The following NXNL2 variants were observed in gnomAD, a reference collection of about 807,000 sequenced individuals.
The protein encoded by NXNL2 is nucleoredoxin like 2, also known as nucleoredoxin-like protein 2.
NXNL2 carries 7 observed loss-of-function variants against 11.1 expected under a neutral mutation model. The observed-to-expected ratio is 0.63, with a 90% CI of 0.36 to 1.18. The LOEUF is 1.18. Ranked by LOEUF, NXNL2 falls within the 50% of genes most tolerant of loss-of-function variation. NXNL2 has a pLI of 0.02. For missense variants in NXNL2, 233 were observed against 217.7 expected (o/e 1.07, Z -0.44); for synonymous variants, 109 against 101.8 (o/e 1.07, Z -0.42).
At chr9:88,548,045 T>C (rs1829868622), downstream of NXNL2, among the ~76,000 whole-genome samples, 1 of 136,114 alleles carries the variant, frequency 7.3e-6, no homozygotes, top group Admixed American at 7.8e-5. Flanking sequence ...AAAAGAATGA[T>C]CTTATCTGAT....
Position 88,544,416 on chromosome 9 carries a change from A to G in NXNL2, c.340A>G (p.Lys114Glu), listed in dbSNP as rs1227787239. ...RKRYNVTAIP[K>E]LVIVKQNGEV... ...GAGGTACAACGTCACAGCCATCCCCAAGCTTGTGATTGTGAAACAAAATGG... is the reference window on the plus strand; with the variant it reads ...GAGGTACAACGTCACAGCCATCCCCGAGCTTGTGATTGTGAAACAAAATGG... The change falls in exon 2 of 2, where the codon AAG becomes GAG. Residue 114 changes from lysine (K) to glutamate (E), a missense_variant. By Grantham distance (56) the Lys-to-Glu change is moderately conservative. Coordinates refer to ENST00000375854, the MANE Select transcript of NXNL2 (RefSeq NM_001161625.2). 1 of 1,551,760 alleles carries G rather than the reference A, an allele frequency of 6.4e-7. No homozygotes were observed. Among genetic ancestry groups the G allele is most frequent in the African/African-American group, 1.4e-5 (1 of 73,042 alleles).
At chr9:88,574,921 C>T (rs999047156) in intron 2 of NXNL2, among the ~76,000 whole-genome samples, 10 of 152,214 alleles carry the variant, frequency 6.6e-5, no homozygotes, top group Admixed American at 5.9e-4. Flanking sequence ...GGGGGCATAA[C>T]TCTAAGGACA....
intron 1 of NXNL2, among the ~76,000 whole-genome samples, chr9:88,555,337 C>T (rs1292878338): frequency 6.6e-6 from 1 of 152,124 alleles, no homozygotes; most frequent in African/African-American, 2.4e-5. Flanking sequence ...ATCCTCAAAA[C>T]CCGGGGTTCC....
chr9:88,578,786 T>A (rs188708045), downstream of NXNL2, among the ~76,000 whole-genome samples: 32 of 152,348 alleles, frequency 2.1e-4, no homozygotes, highest in Middle Eastern at 6.8e-3. Flanking sequence ...GGCTCAGACA[T>A]TGTCCACAGG....
intron 1 of NXNL2, among the ~76,000 whole-genome samples, chr9:88,582,237 G>C (rs1161649264): frequency 6.6e-6 from 1 of 152,194 alleles, no homozygotes; most frequent in Admixed American, 6.5e-5. Context: ...CCAGCACTTT[G>C]TGAGGCCGAG....
chr9:88,565,729 G>T lies in NXNL2; in HGVS notation c.303-5358G>T, dbSNP rs886330553. Among the ~76,000 whole-genome samples, 4 of 152,028 alleles carry T rather than the reference G, an allele frequency of 2.6e-5. No individual in the cohort carries two copies. In the East Asian group the frequency reaches 7.7e-4, roughly 29 times the overall value. On this transcript the variant is annotated intron_variant, in intron 1 of 2. Transcript: ENST00000375855. The stretch of plus-strand genomic sequence containing the variant: ...ATTTTGTATTTTTAGTAGAGAGAGG[G>T]TTTCACCACATTGGCCAGGCTGTTC...
chr9:88,572,234 T>TG (rs1177043255), intron 2 of NXNL2, among the ~76,000 whole-genome samples: 1 of 152,208 alleles, frequency 6.6e-6, no homozygotes, highest in African/African-American at 2.4e-5. Flanking sequence ...ATTGTATTAC[T>TG]GGGGGCTTTC....
downstream of NXNL2, among the ~76,000 whole-genome samples, chr9:88,577,308 G>A (rs555849972): frequency 4.6e-5 from 7 of 151,900 alleles, no homozygotes; most frequent in East Asian, 1.2e-3. Flanking sequence ...GGCGGGGGGG[G>A]CGGCATGAGA....
At chr9:88,558,733 G>T (rs190237139) in intron 1 of NXNL2, among the ~76,000 whole-genome samples, 2 of 152,166 alleles carry the variant, frequency 1.3e-5, no homozygotes, top group Admixed American at 1.3e-4. Flanking sequence ...CTCCCAGCTG[G>T]TGTCCACTGG....
intron 1 of NXNL2, among the ~76,000 whole-genome samples, chr9:88,569,627 T>C (rs970492403): frequency 6.6e-6 from 1 of 152,252 alleles, no homozygotes; most frequent in Non-Finnish European, 1.5e-5. Flanking sequence ...TATCATAATA[T>C]GCACTTATTG....
At chr9:88,583,084 A>C (rs1410742736) in intron 1 of NXNL2, among the ~76,000 whole-genome samples, 3 of 152,156 alleles carry the variant, frequency 2.0e-5, no homozygotes, top group Non-Finnish European at 4.4e-5. Context: ...GCCAGTGGGC[A>C]GCCAGGCAGC....
downstream of NXNL2, among the ~76,000 whole-genome samples, chr9:88,546,774 T>C (rs1489784991): frequency 6.6e-6 from 1 of 152,178 alleles, no homozygotes; most frequent in African/African-American, 2.4e-5. Context: ...GGCAAAGTAT[T>C]CCAGCCTTCT....
At chr9:88,559,866 T>C (rs1417695587) in intron 1 of NXNL2, among the ~76,000 whole-genome samples, 1 of 152,056 alleles carries the variant, frequency 6.6e-6, no homozygotes, top group East Asian at 1.9e-4. Context: ...AAGTGGCAGG[T>C]TTTATGAAGT....
chr9:88,540,935 A>ATTTTTTTT lies in NXNL2; in HGVS notation c.303-3424_303-3417dup, dbSNP rs71507764. ...CTTTTTCCTTGCTCAATCTCAGTAGATTTTTTTTTTTTTTTTTTTTTTTTT... is the reference window on the plus strand; with the variant it reads ...CTTTTTCCTTGCTCAATCTCAGTAGATTTTTTTTTTTTTTTTTTTTTTTTTTTTTTTTT... On this transcript the variant is annotated intron_variant, in intron 1 of 1. Transcript: ENST00000375854. 4.3e-4 allele frequency among the ~76,000 whole-genome samples: 39 copies of ATTTTTTTT among 91,078 alleles called. 6 individuals carry two copies. The highest frequency in any genetic ancestry group is 1.8e-3 in the African/African-American group (36 of 20,194). The allele number at this position is 91,078 out of a possible 152,430, so 59.8% of individuals were successfully genotyped here. A position where few individuals can be genotyped will look rare whatever the true frequency, so the allele number is the denominator to read the frequency against.
intron 2 of NXNL2, among the ~76,000 whole-genome samples, chr9:88,574,282 C>A (rs896319927): frequency 6.6e-6 from 1 of 152,116 alleles, no homozygotes; most frequent in African/African-American, 2.4e-5. Context: ...AAAGAGTATC[C>A]GATACAAGTC....
At chr9:88,558,071 A>G (rs767116806) in intron 1 of NXNL2, among the ~76,000 whole-genome samples, 1 of 152,156 alleles carries the variant, frequency 6.6e-6, no homozygotes, top group African/African-American at 2.4e-5. Context: ...TTGTATGTCA[A>G]TGAAATGACT....
intron 1 of NXNL2, among the ~76,000 whole-genome samples, chr9:88,561,111 C>T (rs1422570196): frequency 6.6e-6 from 1 of 152,096 alleles, no homozygotes; most frequent in African/African-American, 2.4e-5. Context: ...AGGAGATTAA[C>T]ATTTGAGTCA....
chr9:88,568,644 T>C (rs1830213853), intron 1 of NXNL2, among the ~76,000 whole-genome samples: 1 of 152,264 alleles, frequency 6.6e-6, no homozygotes, highest in Non-Finnish European at 1.5e-5. Context: ...TTTGATTTTC[T>C]GTATCATTAT....
At position 88,555,319 on chromosome 9, in the gene NXNL2, G is replaced by A. The variant is rs369038417; in HGVS notation, c.303-15768G>A. ...ATTATTGATGAGTTTTCTGGAAACT[G>A]GTGGTGAATCCTCAAAACCCGGGGT... On this transcript the variant is annotated intron_variant, in intron 1 of 2. Coordinates refer to the NXNL2 transcript ENST00000375855. Among the ~76,000 whole-genome samples, 83 of 152,310 alleles carry A rather than the reference G, an allele frequency of 5.4e-4. 1 individual carries two copies. The South Asian group carries it at 0.016, about 30-fold the overall frequency.
Sources: gnomAD v4.1 joint callset for allele counts (sites outside exome capture counted in the v4.1 genomes callset) on GRCh38, gnomAD v4.1.1 for gene constraint, MANE v1.5 for transcripts, NCBI Gene and HGNC (gene_info 2026-07-23, HGNC 2026-07-21) for gene names.